Variants in TECRL observed in about 807,000 individuals in gnomAD.
TECRL encodes the protein trans-2,3-enoyl-CoA reductase-like.
In TECRL, 63 loss-of-function variants were observed where a neutral mutation model predicts 52.8. The ratio of observed to expected loss-of-function variants is 1.19; its 90% CI spans 0.97 to 1.47. The LOEUF (loss-of-function observed/expected upper bound fraction) is 1.47, where lower values mean the gene tolerates loss of function less well. Ranked by LOEUF, TECRL falls within the 40% of genes most tolerant of loss-of-function variation. TECRL has a pLI of 0.00. For synonymous variants in TECRL, 164 were observed against 141.9 expected (o/e 1.16, Z -1.10); for missense variants, 482 against 429.6 (o/e 1.12, Z -1.08).
chr4:64,398,952 A>G (rs891041319), intron 1 of TECRL, among the ~76,000 whole-genome samples: 10 of 152,160 alleles, frequency 6.6e-5, no homozygotes, highest in Non-Finnish European at 2.9e-5. Context: ...AGCAGAGAGC[A>G]TGGGTGCATT....
intron 6 of TECRL, among the ~76,000 whole-genome samples, chr4:64,307,505 T>C (rs1724409683): frequency 6.6e-6 from 1 of 152,058 alleles, no homozygotes; most frequent in Non-Finnish European, 1.5e-5. Flanking sequence ...ATGCTTTTTC[T>C]CTCTCTCTCC....
chr4:64,317,657 T>C lies in TECRL; in HGVS notation c.436-2894A>G, dbSNP rs188998830. Among the ~76,000 whole-genome samples, 454 of 152,328 alleles carry C rather than the reference T, an allele frequency of 3.0e-3. 9 individuals are homozygous for C. Among genetic ancestry groups the C allele is most frequent in the Admixed American group, 0.028 (425 of 15,304 alleles). On this transcript the variant is annotated intron_variant, in intron 4 of 11. Transcript: ENST00000381210. ...AGTTAGTATCCTGCTAGATAAAGAT[T>C]GTGGTTTTTTTGTAGTTTGACAGAT...
Position 64,340,285 on chromosome 4 carries a change from G to A in TECRL, c.287-11729C>T, listed in dbSNP as rs138596997. Among the ~76,000 whole-genome samples, 587 of 152,276 alleles carry A rather than the reference G, an allele frequency of 3.9e-3. 1 individual carries two copies. Among genetic ancestry groups the A allele is most frequent in the Non-Finnish European group, 6.4e-3 (437 of 68,010 alleles). On this transcript the variant is annotated intron_variant, in intron 2 of 11. Coordinates refer to ENST00000381210, the MANE Select transcript of TECRL (RefSeq NM_001010874.5). ...CCCAGCCTCTCACTCCATGGAGCAG[G>A]CATGACAATCACCCCACCGAACACA...
intron 1 of TECRL, among the ~76,000 whole-genome samples, chr4:64,388,517 T>A (rs1266238119): frequency 6.6e-6 from 1 of 151,904 alleles, no homozygotes; most frequent in Non-Finnish European, 1.5e-5. Flanking sequence ...ATCTTTTGCC[T>A]CTTCATATAT....
At chr4:64,282,120 T>A (rs1383689558) in intron 9 of TECRL, among the ~76,000 whole-genome samples, 1 of 151,994 alleles carries the variant, frequency 6.6e-6, no homozygotes, top group Admixed American at 6.6e-5. Context: ...AGATACCACG[T>A]TTCTGTTCAG....
chr4:64,313,910 G>A (rs1445523150), intron 5 of TECRL, among the ~76,000 whole-genome samples: 3 of 143,856 alleles, frequency 2.1e-5, no homozygotes, highest in Non-Finnish European at 4.5e-5. Context: ...GAGGCGGGCG[G>A]ATCACGAGGT....
intron 2 of TECRL, among the ~76,000 whole-genome samples, chr4:64,334,436 T>TA (rs959764983): frequency 3.3e-5 from 5 of 152,176 alleles, no homozygotes; most frequent in Admixed American, 3.3e-4. Flanking sequence ...GTGAGACATT[T>TA]AATGGTTTAG....
At chr4:64,356,151 C>T (rs1325366786) in intron 2 of TECRL, among the ~76,000 whole-genome samples, 1 of 152,122 alleles carries the variant, frequency 6.6e-6, no homozygotes, top group Admixed American at 6.6e-5. Context: ...TCTCGATAAA[C>T]CAGGGGCACA....
intron 9 of TECRL, among the ~76,000 whole-genome samples, chr4:64,285,054 G>T (rs1723014001): frequency 6.6e-6 from 1 of 152,034 alleles, no homozygotes; most frequent in South Asian, 2.1e-4. Context: ...GACAAAGTGG[G>T]TTCACAAAGG....
intron 2 of TECRL, among the ~76,000 whole-genome samples, chr4:64,337,641 A>G (rs1719208090): frequency 6.6e-6 from 1 of 152,156 alleles, no homozygotes; most frequent in Non-Finnish European, 1.5e-5. Flanking sequence ...TAACAGACAA[A>G]CGGAGAGCCA....
In TECRL at chr4:64,309,505, C is replaced by T. The variant is rs766082680; in HGVS notation, c.657+321G>A. Reference sequence around the variant, plus strand: ...CCACACAGATGTATATTTGTAGGAACGTTCTTATATCATATTCTGCTCTTC... The same window carrying T: ...CCACACAGATGTATATTTGTAGGAATGTTCTTATATCATATTCTGCTCTTC... On this transcript the variant is annotated intron_variant, in intron 6 of 11. Transcript: ENST00000381210. Among the ~76,000 whole-genome samples the T allele has an allele frequency of 2.6e-5, 4 of 152,068 alleles. 1 individual carries two copies. Among genetic ancestry groups the T allele is most frequent in the South Asian group, 4.1e-4 (2 of 4,834 alleles).
intron 1 of TECRL, among the ~76,000 whole-genome samples, chr4:64,406,321 TTC>T (rs1159533734): frequency 6.6e-6 from 1 of 151,922 alleles, no homozygotes; most frequent in Non-Finnish European, 1.5e-5. Context: ...AAAACAAAGT[TTC>T]TGTTAGAACA....
chr4:64,326,839 A>G (rs1663439606), intron 3 of TECRL, among the ~76,000 whole-genome samples: 1 of 152,130 alleles, frequency 6.6e-6, no homozygotes, highest in South Asian at 2.1e-4. Flanking sequence ...GTGTGAGGAA[A>G]CTATAGAAGT....
intron 10 of TECRL, 59 bp from the exon 11 acceptor site, chr4:64,281,145 T>C: frequency 7.1e-7 from 1 of 1,410,442 alleles, no homozygotes; most frequent in Non-Finnish European, 9.9e-7. Context: ...ATTTGTTCAT[T>C]TGTGGCTTTA....
intron 2 of TECRL, among the ~76,000 whole-genome samples, chr4:64,373,623 C>T (rs1256629370): frequency 6.6e-6 from 1 of 151,630 alleles, no homozygotes; most frequent in East Asian, 1.9e-4. Flanking sequence ...GACTTTGATT[C>T]ATGTACCCAT....
At chr4:64,283,656 C>T (rs191014863) in intron 9 of TECRL, among the ~76,000 whole-genome samples, 18 of 152,044 alleles carry the variant, frequency 1.2e-4, no homozygotes, top group Non-Finnish European at 7.4e-5. Flanking sequence ...CAAAGAGGCT[C>T]GAAGAGGGCA....
At chr4:64,384,633 A>G (rs1723047809) in intron 1 of TECRL, among the ~76,000 whole-genome samples, 1 of 152,058 alleles carries the variant, frequency 6.6e-6, no homozygotes, top group African/African-American at 2.4e-5. Context: ...ACACCCTTAA[A>G]TGATGCATGC....
At chr4:64,359,077 G>C (rs1335348890) in intron 2 of TECRL, among the ~76,000 whole-genome samples, 1 of 151,372 alleles carries the variant, frequency 6.6e-6, no homozygotes, top group Non-Finnish European at 1.5e-5. Context: ...GCTTTTTATG[G>C]TTTTCTGAAA....
chr4:64,307,744 A>G (rs1027398651), intron 6 of TECRL, among the ~76,000 whole-genome samples: 10 of 152,162 alleles, frequency 6.6e-5, no homozygotes, highest in Admixed American at 5.2e-4. Context: ...AGTGTTCTAA[A>G]AGGATGATAT....
Sources: gnomAD v4.1 joint callset for allele counts (sites outside exome capture counted in the v4.1 genomes callset) on GRCh38, gnomAD v4.1.1 for gene constraint, MANE v1.5 for transcripts, NCBI Gene and HGNC (gene_info 2026-07-23, HGNC 2026-07-21) for gene names.